Variants in TEAD1 observed in about 807,000 individuals in gnomAD.
TEAD1 encodes TEA domain transcription factor 1.
In TEAD1, 9 loss-of-function variants were observed where a neutral mutation model predicts 54.9. The observed-to-expected ratio is 0.16, with a 90% confidence interval of 0.10 to 0.29. TEAD1 has a LOEUF of 0.29. Among genes scored for constraint, TEAD1 ranks in the 10% least tolerant of loss-of-function variants. The pLI, the probability that TEAD1 is intolerant of heterozygous loss-of-function variation, is 1.00. For missense variants in TEAD1, 387 were observed against 535.9 expected (o/e 0.72, Z 2.74); for synonymous variants, 200 against 187.8 (o/e 1.07, Z -0.53).
At chr11:12,763,858 C>T (rs531687357) in intron 2 of TEAD1, among the ~76,000 whole-genome samples, 8 of 152,286 alleles carry the variant, frequency 5.3e-5, no homozygotes, top group South Asian at 2.1e-4. Context: ...AATTTCCTCT[C>T]GTCTGTGAAG....
chr11:12,937,188 CACA>C lies in TEAD1; in HGVS notation c.1251_1253del (p.Gln417del). 1.9e-6 allele frequency: 3 copies of C among 1,613,864 alleles called. No homozygotes were observed. The highest frequency in any genetic ancestry group is 1.7e-6 in the Non-Finnish European group (2 of 1,179,898). Reference sequence around the variant, plus strand: ...GAAGTTTCAAATAGTGAACACGGAGCACAACATCATATTTACAGGCTTGTAAAG... The same window carrying C: ...GAAGTTTCAAATAGTGAACACGGAGCACATCATATTTACAGGCTTGTAAAG... On this transcript the variant is annotated inframe_deletion, in exon 13 of 13. Transcript: ENST00000527636.
At chr11:12,799,454 G>A (rs1946004868) in intron 3 of TEAD1, among the ~76,000 whole-genome samples, 1 of 152,072 alleles carries the variant, frequency 6.6e-6, no homozygotes, top group Admixed American at 6.5e-5. Context: ...TTCTTTTTAT[G>A]GTCATGGCTG....
Position 12,864,327 on chromosome 11 carries a change from C to G in TEAD1, c.268-511C>G, listed in dbSNP as rs143873556. ...TATTTTCATTTACCTTTACTCCCACCTTTTTAATTTTAGAATGAAAACAGC... is the reference window on the plus strand; with the variant it reads ...TATTTTCATTTACCTTTACTCCCACGTTTTTAATTTTAGAATGAAAACAGC... On this transcript the variant is annotated intron_variant, in intron 4 of 12. Coordinates refer to ENST00000527636, the MANE Select transcript of TEAD1 (RefSeq NM_021961.6). 8.7e-3 allele frequency among the ~76,000 whole-genome samples: 1,318 copies of G among 152,216 alleles called. 17 individuals are homozygous for G. The highest frequency in any genetic ancestry group is 0.029 in the African/African-American group (1,213 of 41,532).
At chr11:12,754,975 C>T (rs923899792) in intron 2 of TEAD1, among the ~76,000 whole-genome samples, 2 of 152,124 alleles carry the variant, frequency 1.3e-5, no homozygotes, top group African/African-American at 2.4e-5. Context: ...TAGGGAGGGC[C>T]GTTTCTGATG....
intron 3 of TEAD1, among the ~76,000 whole-genome samples, chr11:12,843,880 C>G (rs1034150288): frequency 6.6e-6 from 1 of 152,154 alleles, no homozygotes; most frequent in African/African-American, 2.4e-5. Flanking sequence ...GGTTAAATAA[C>G]CAACCATTGA....
chr11:12,813,954 C>T (rs1946361194), intron 3 of TEAD1, among the ~76,000 whole-genome samples: 1 of 152,104 alleles, frequency 6.6e-6, no homozygotes, highest in South Asian at 2.1e-4. Flanking sequence ...AGGTGCTGAC[C>T]ACAAGTCCGA....
chr11:12,814,877 G>A (rs537536704), intron 3 of TEAD1, among the ~76,000 whole-genome samples: 4 of 152,028 alleles, frequency 2.6e-5, no homozygotes, highest in East Asian at 1.9e-4. Flanking sequence ...GTGTCTGTGT[G>A]TGTGTGCACG....
At chr11:12,776,137 G>A (rs1590138773) in intron 3 of TEAD1, among the ~76,000 whole-genome samples, 2 of 152,160 alleles carry the variant, frequency 1.3e-5, no homozygotes, top group South Asian at 2.1e-4. Context: ...GGAGAACAGG[G>A]CATTCTTATT....
At chr11:12,868,677 G>A (rs887975176) in intron 5 of TEAD1, among the ~76,000 whole-genome samples, 5 of 152,216 alleles carry the variant, frequency 3.3e-5, no homozygotes, top group South Asian at 2.1e-4. Flanking sequence ...AATTGTTCTA[G>A]TGAAAGTCTA....
Position 12,937,796 on chromosome 11 carries a change from T to C in TEAD1, c.*574T>C, listed in dbSNP as rs1316849195. Reference sequence around the variant, plus strand: ...ACTAAATTATTTTTTAAATGAAACCTTTTTTTTTCTTTTTGAAACCAAATG... The same window carrying C: ...ACTAAATTATTTTTTAAATGAAACCCTTTTTTTTCTTTTTGAAACCAAATG... On this transcript the variant is annotated 3_prime_UTR_variant, in exon 13 of 13. Coordinates refer to ENST00000527636, the MANE Select transcript of TEAD1 (RefSeq NM_021961.6). 2 of 151,642 alleles carry C rather than the reference T, an allele frequency of 1.3e-5. No individual in the cohort carries two copies. The highest frequency in any genetic ancestry group is 2.9e-5 in the Non-Finnish European group (2 of 67,884). 9.4% of individuals were successfully genotyped at this position (151,642 alleles called of 1,614,324 possible).
intron 2 of TEAD1, among the ~76,000 whole-genome samples, chr11:12,742,184 T>C (rs550838423): frequency 2.2e-4 from 33 of 152,336 alleles, no homozygotes; most frequent in Admixed American, 9.8e-4. Flanking sequence ...CACAAATACA[T>C]TTAGACTTTG....
intron 12 of TEAD1, among the ~76,000 whole-genome samples, chr11:12,935,670 G>A (rs1949086571): frequency 6.6e-6 from 1 of 152,070 alleles, no homozygotes; most frequent in Non-Finnish European, 1.5e-5. Context: ...GTGTTGGCCA[G>A]GCGGGTCTCG....
chr11:12,776,615 A>G (rs935739602), intron 3 of TEAD1, among the ~76,000 whole-genome samples: 2 of 151,942 alleles, frequency 1.3e-5, no homozygotes, highest in Admixed American at 6.6e-5. Context: ...TAAACTTGCA[A>G]TCCGAATGTG....
intron 2 of TEAD1, among the ~76,000 whole-genome samples, chr11:12,759,660 A>C (rs533740141): frequency 2.0e-5 from 3 of 152,194 alleles, no homozygotes; most frequent in Non-Finnish European, 4.4e-5. Flanking sequence ...CAGGAGTTCG[A>C]GACCAGCCTG....
chr11:12,802,380 T>C (rs2133977128), intron 3 of TEAD1, among the ~76,000 whole-genome samples: 1 of 152,358 alleles, frequency 6.6e-6, no homozygotes, highest in Non-Finnish European at 1.5e-5. Context: ...AGTCACTTTT[T>C]TTTTAACCCG....
At chr11:12,730,950 C>T (rs535838601) in intron 2 of TEAD1, among the ~76,000 whole-genome samples, 1 of 152,164 alleles carries the variant, frequency 6.6e-6, no homozygotes, top group African/African-American at 2.4e-5. Flanking sequence ...GATCCGCCCG[C>T]CTCGGCCTCT....
intron 3 of TEAD1, among the ~76,000 whole-genome samples, chr11:12,780,605 C>A (rs552462284): frequency 6.6e-6 from 1 of 152,230 alleles, no homozygotes; most frequent in East Asian, 1.9e-4. Context: ...CAATTTTATT[C>A]ATCATAGTGT....
chr11:12,823,556 G>T (rs1202275946), intron 3 of TEAD1: 1 of 152,190 alleles, frequency 6.6e-6, no homozygotes, highest in Non-Finnish European at 1.5e-5. Flanking sequence ...TGGCACAAGA[G>T]ATGCTTTTTC....
chr11:12,913,445 A>G (rs1330810136), intron 10 of TEAD1, among the ~76,000 whole-genome samples: 1 of 152,230 alleles, frequency 6.6e-6, no homozygotes, highest in African/African-American at 2.4e-5. Context: ...TACAACCATT[A>G]TACGTATACA....
Sources: allele counts gnomAD v4.1 joint callset (sites outside exome capture counted in the v4.1 genomes callset), GRCh38; gene constraint gnomAD v4.1.1; transcripts MANE v1.5; gene names NCBI Gene and HGNC (gene_info 2026-07-23, HGNC 2026-07-21).